Variants in DENND1A observed in about 807,000 individuals in gnomAD.
DENND1A encodes DENN domain-containing protein 1A.
In DENND1A, 51 loss-of-function variants were observed where a neutral mutation model predicts 113.7. The ratio of observed to expected loss-of-function variants is 0.45; its 90% CI spans 0.36 to 0.57. DENND1A has a LOEUF of 0.57. Ranked by LOEUF, DENND1A falls within the 20% of genes least tolerant of loss-of-function variation. DENND1A has a pLI of 0.00. For missense variants in DENND1A, 1,258 were observed against 1,395.9 expected, an observed-to-expected ratio of 0.90 and a Z score of 1.57; for synonymous variants, 565 against 570.8, an observed-to-expected ratio of 0.99 and a Z score of 0.14.
intron 11 of DENND1A, among the ~76,000 whole-genome samples, chr9:123,595,565 A>T (rs1192321977): frequency 6.6e-6 from 1 of 151,880 alleles, no homozygotes; most frequent in African/African-American, 2.4e-5. Flanking sequence ...CACCAGCCCC[A>T]TTCTCTCCCC....
At chr9:123,698,590 G>A (rs1231757533) in intron 5 of DENND1A, among the ~76,000 whole-genome samples, 1 of 152,142 alleles carries the variant, frequency 6.6e-6, no homozygotes, top group African/African-American at 2.4e-5. Flanking sequence ...AATGTCCTAG[G>A]GTACAGACTA....
intron 5 of DENND1A, among the ~76,000 whole-genome samples, chr9:123,718,073 G>T (rs995566642): frequency 6.6e-5 from 10 of 152,124 alleles, no homozygotes; most frequent in South Asian, 2.1e-4. Flanking sequence ...CAGCAAATTG[G>T]GAAATGGCCT....
At chr9:123,395,602 C>T (rs536457680) in intron 21 of DENND1A, among the ~76,000 whole-genome samples, 2 of 152,194 alleles carry the variant, frequency 1.3e-5, no homozygotes, top group African/African-American at 2.4e-5. Flanking sequence ...GGAGTGGGCC[C>T]TGGCAGCCTG....
At chr9:123,539,201 G>A (rs1050406553) in intron 13 of DENND1A, among the ~76,000 whole-genome samples, 6 of 151,952 alleles carry the variant, frequency 3.9e-5, no homozygotes, top group Non-Finnish European at 7.4e-5. Context: ...CTTGCAAAAG[G>A]GACTGAACCT....
In DENND1A at chr9:123,382,297, G is replaced by T; in HGVS notation, c.2348C>A (p.Ala783Asp). The change falls in exon 24 of 24, where the codon GCC becomes GAC. Residue 783 changes from alanine (A) to aspartate (D), a missense_variant. Around this residue, in one of 2 missense-constraint regions of DENND1A, gnomAD observed 1,159 missense variants for 1,231.7 expected, o/e 0.94. Transcript: ENST00000394215. The stretch of plus-strand genomic sequence containing the variant: ...TGCGGCGCCGGCAGCCTGGAGCTTG[G>T]CCGGGCGGGGAATGGGCGGTGGAGG... ...IVPPPPIPRP[A>D]KLQAAGAALG... 6.2e-7 allele frequency: 1 copy of T among 1,610,980 alleles called. No homozygotes were observed. The highest frequency in any genetic ancestry group is 8.5e-7 in the Non-Finnish European group (1 of 1,179,578).
At chr9:123,828,130 A>AAGAAAGAAAGACGTGGAAGGGAGAG (rs1206135507) in intron 2 of DENND1A, among the ~76,000 whole-genome samples, 1 of 152,144 alleles carries the variant, frequency 6.6e-6, no homozygotes, top group African/African-American at 2.4e-5. Context: ...CAATATGAGA[A>AAGAAAGAAAGACGTGGAAGGGAGAG]AGAAAGAAAG....
chr9:123,524,661 G>T (rs2054666075), intron 13 of DENND1A, among the ~76,000 whole-genome samples: 1 of 152,238 alleles, frequency 6.6e-6, no homozygotes, highest in South Asian at 2.1e-4. Context: ...AACCAGGGCG[G>T]TCTTCCCGAC....
At chr9:123,716,298 C>T (rs2066973051) in intron 5 of DENND1A, among the ~76,000 whole-genome samples, 1 of 152,154 alleles carries the variant, frequency 6.6e-6, no homozygotes, top group Admixed American at 6.5e-5. Context: ...ATAACACTTA[C>T]CTTCAAAGAG....
intron 10 of DENND1A, among the ~76,000 whole-genome samples, chr9:123,622,231 G>C (rs535395681): frequency 6.6e-6 from 1 of 152,316 alleles, no homozygotes; most frequent in East Asian, 1.9e-4. Flanking sequence ...GCATGAGCTT[G>C]TCTTGATCTG....
intron 20 of DENND1A, among the ~76,000 whole-genome samples, chr9:123,408,657 G>A (rs991326158): frequency 6.6e-6 from 1 of 152,138 alleles, no homozygotes; most frequent in East Asian, 1.9e-4. Flanking sequence ...ATCAACCCAG[G>A]AGGTCCAGCC....
intron 5 of DENND1A, among the ~76,000 whole-genome samples, chr9:123,706,996 A>C (rs2066260395): frequency 6.6e-6 from 1 of 152,290 alleles, no homozygotes; most frequent in Admixed American, 6.5e-5. Context: ...GTTCAAGGGA[A>C]AAGTCCATGT....
intron 12 of DENND1A, among the ~76,000 whole-genome samples, chr9:123,574,530 T>C (rs2058532433): frequency 6.6e-6 from 1 of 152,214 alleles, no homozygotes; most frequent in African/African-American, 2.4e-5. Flanking sequence ...TAAAATGAAC[T>C]TTCATTTTGA....
At chr9:123,664,299 T>C (rs902899312) in intron 8 of DENND1A, among the ~76,000 whole-genome samples, 2 of 152,210 alleles carry the variant, frequency 1.3e-5, no homozygotes, top group Admixed American at 6.5e-5. Context: ...ATATTCATAT[T>C]GCCTATTTCT....
At chr9:123,480,409 G>T (rs754139801) in intron 13 of DENND1A, among the ~76,000 whole-genome samples, 2 of 152,218 alleles carry the variant, frequency 1.3e-5, no homozygotes, top group Non-Finnish European at 2.9e-5. Flanking sequence ...CATTAGCCCT[G>T]CAAACCAGAA....
At chr9:123,693,392 A>G (rs1246166213) in intron 5 of DENND1A, among the ~76,000 whole-genome samples, 2 of 152,202 alleles carry the variant, frequency 1.3e-5, no homozygotes, top group Non-Finnish European at 2.9e-5. Context: ...ACCACAGACA[A>G]TCAAGATATA....
At chr9:123,638,927 T>A (rs1011463087) in intron 9 of DENND1A, among the ~76,000 whole-genome samples, 7 of 149,792 alleles carry the variant, frequency 4.7e-5, no homozygotes, top group African/African-American at 1.5e-4. Flanking sequence ...ATCATACTTT[T>A]AAAAAGAAAG....
At chr9:123,810,549 C>CAAAAAAAAAA (rs1159557273) in intron 2 of DENND1A, among the ~76,000 whole-genome samples, 14 of 46,342 alleles carry the variant, frequency 3.0e-4, no homozygotes, top group East Asian at 6.6e-4. Flanking sequence ...CATGTCTCTA[C>CAAAAAAAAAA]AAAAAAAAAA....
chr9:123,814,692 C>G (rs1343152029), intron 2 of DENND1A, among the ~76,000 whole-genome samples: 1 of 152,052 alleles, frequency 6.6e-6, no homozygotes, highest in Non-Finnish European at 1.5e-5. Context: ...GTATCCTAAC[C>G]AAGTAGCAGT....
intron 13 of DENND1A, among the ~76,000 whole-genome samples, chr9:123,544,865 A>G (rs772536337): frequency 4.0e-4 from 61 of 152,108 alleles, no homozygotes; most frequent in Non-Finnish European, 5.7e-4. Flanking sequence ...TTGGGAAGCC[A>G]AGGTGGGCGG....
Sources: gnomAD v4.1 joint callset for allele counts (sites outside exome capture counted in the v4.1 genomes callset) on GRCh38, gnomAD v4.1.1 for gene constraint, gnomAD v4.1.1 regional missense constraint, MANE v1.5 for transcripts, NCBI Gene and HGNC (gene_info 2026-07-23, HGNC 2026-07-21) for gene names.